Variants in PARD3B observed in about 807,000 individuals in gnomAD.
PARD3B encodes the protein par-3 family cell polarity regulator beta, also known as partitioning defective 3 homolog B.
PARD3B carries 103 observed loss-of-function variants against 130.2 expected under a neutral mutation model. The ratio of observed to expected loss-of-function variants is 0.79; its 90% CI spans 0.67 to 0.93. The LOEUF is 0.93. Ranked by LOEUF, PARD3B falls within the 40% of genes least tolerant of loss-of-function variation. The pLI is 0.00. For synonymous variants in PARD3B, 583 were observed against 553.2 expected, an observed-to-expected ratio of 1.05 and a Z score of -0.76; for missense variants, 1,609 against 1,499.2, an observed-to-expected ratio of 1.07 and a Z score of -1.21.
chr2:204,691,050 T>C (rs976306811), intron 2 of PARD3B, among the ~76,000 whole-genome samples: 8 of 152,282 alleles, frequency 5.3e-5, no homozygotes, highest in African/African-American at 1.2e-4. Context: ...TGTTCACTTA[T>C]CAGTTTCTCG....
intron 2 of PARD3B, among the ~76,000 whole-genome samples, chr2:204,928,477 A>G (rs1324637938): frequency 1.3e-5 from 2 of 152,174 alleles, no homozygotes; most frequent in African/African-American, 4.8e-5. Flanking sequence ...TTAAACATCA[A>G]TTTAACACAA....
At chr2:204,847,299 T>C (rs1427317607) in intron 2 of PARD3B, among the ~76,000 whole-genome samples, 1 of 151,066 alleles carries the variant, frequency 6.6e-6, no homozygotes, top group Non-Finnish European at 1.5e-5. Flanking sequence ...CCATAAGAAA[T>C]ATGCTTAAAT....
At chr2:205,487,245 T>C (rs1575141222) in intron 20 of PARD3B, among the ~76,000 whole-genome samples, 1 of 152,226 alleles carries the variant, frequency 6.6e-6, no homozygotes, top group African/African-American at 2.4e-5. Context: ...AATCTTTAGC[T>C]TCTTTCAATT....
chr2:204,570,909 GTAA>G (rs2031964265), intron 1 of PARD3B, among the ~76,000 whole-genome samples: 1 of 149,382 alleles, frequency 6.7e-6, no homozygotes, highest in Non-Finnish European at 1.5e-5. Context: ...ATAAGCTGTT[GTAA>G]CTGAGGTGTA....
intron 1 of PARD3B, among the ~76,000 whole-genome samples, chr2:204,550,236 T>C: frequency 6.6e-6 from 1 of 152,292 alleles, no homozygotes; most frequent in Admixed American, 6.5e-5. Flanking sequence ...AGATTATTTA[T>C]AATACCTAAT....
At chr2:205,594,117 G>C (rs1469282861) in intron 22 of PARD3B, among the ~76,000 whole-genome samples, 1 of 152,174 alleles carries the variant, frequency 6.6e-6, no homozygotes, top group Non-Finnish European at 1.5e-5. Context: ...GCAGGGCCAT[G>C]AAATTATAAC....
At chr2:205,023,785 A>G (rs1477272552) in intron 3 of PARD3B, among the ~76,000 whole-genome samples, 1 of 152,088 alleles carries the variant, frequency 6.6e-6, no homozygotes, top group Non-Finnish European at 1.5e-5. Context: ...TCAATCATTC[A>G]GGTGCTGAGT....
intron 1 of PARD3B, among the ~76,000 whole-genome samples, chr2:204,661,210 C>G (rs895314467): frequency 6.6e-6 from 1 of 152,132 alleles, no homozygotes; most frequent in Non-Finnish European, 1.5e-5. Flanking sequence ...CTTTCCCCAT[C>G]TCAAACCCAA....
intron 2 of PARD3B, among the ~76,000 whole-genome samples, chr2:204,800,543 C>T (rs2042532263): frequency 6.6e-6 from 1 of 151,898 alleles, no homozygotes; most frequent in Non-Finnish European, 1.5e-5. Flanking sequence ...TATATAACAC[C>T]AAGCAGATTT....
At chr2:204,551,834 G>C (rs541877806) in intron 1 of PARD3B, among the ~76,000 whole-genome samples, 1 of 152,154 alleles carries the variant, frequency 6.6e-6, no homozygotes, top group Non-Finnish European at 1.5e-5. Context: ...ACTATTTTAT[G>C]AGTGGACTGT....
intron 18 of PARD3B, among the ~76,000 whole-genome samples, chr2:205,382,984 T>G (rs2045507800): frequency 6.6e-6 from 1 of 151,976 alleles, no homozygotes; most frequent in South Asian, 2.1e-4. Context: ...GAAGTCTGGC[T>G]CCTTTATTGT....
chr2:204,680,931 G>T (rs2036798017), intron 1 of PARD3B, among the ~76,000 whole-genome samples: 1 of 152,072 alleles, frequency 6.6e-6, no homozygotes, highest in African/African-American at 2.4e-5. Flanking sequence ...CTATTTGTGT[G>T]TGTGTGTGCA....
At chr2:205,210,983 C>A (rs928758712) in intron 15 of PARD3B, among the ~76,000 whole-genome samples, 1 of 151,974 alleles carries the variant, frequency 6.6e-6, no homozygotes, top group African/African-American at 2.4e-5. Context: ...TAAATGTTAC[C>A]CTCTCTGAAG....
intron 4 of PARD3B, among the ~76,000 whole-genome samples, chr2:205,060,749 G>A (rs1700020309): frequency 6.6e-6 from 1 of 152,094 alleles, no homozygotes; most frequent in African/African-American, 2.4e-5. Context: ...TATAATTAAA[G>A]GGAAATGATT....
At chr2:205,037,914 G>T (rs894955529) in intron 3 of PARD3B, among the ~76,000 whole-genome samples, 2 of 152,004 alleles carry the variant, frequency 1.3e-5, no homozygotes, top group Non-Finnish European at 1.5e-5. Context: ...TCATGTAAGG[G>T]GCTCATGCAA....
At chr2:205,423,047 T>A (rs1352792769) in intron 19 of PARD3B, among the ~76,000 whole-genome samples, 1 of 152,190 alleles carries the variant, frequency 6.6e-6, no homozygotes, top group Non-Finnish European at 1.5e-5. Context: ...ACCTTTCTCC[T>A]CGACATCCAG....
chr2:205,523,229 A>C (rs5025557), intron 21 of PARD3B, among the ~76,000 whole-genome samples: 102 of 88,486 alleles, frequency 1.2e-3, no homozygotes, highest in African/African-American at 3.2e-3. Flanking sequence ...GTGTGTGTAT[A>C]TATATATATA....
intron 2 of PARD3B, among the ~76,000 whole-genome samples, chr2:204,858,459 G>A (rs991449157): frequency 2.9e-4 from 37 of 125,938 alleles, no homozygotes; most frequent in Admixed American, 5.8e-4. Flanking sequence ...GCCAGACACA[G>A]AAAGGAAAAT....
intron 2 of PARD3B, among the ~76,000 whole-genome samples, chr2:204,910,542 G>C (rs563103139): frequency 6.6e-6 from 1 of 152,294 alleles, no homozygotes; most frequent in Non-Finnish European, 1.5e-5. Flanking sequence ...AGAATAAAAA[G>C]TTTGGATGAG....
Sources: allele counts gnomAD v4.1 joint callset (sites outside exome capture counted in the v4.1 genomes callset), GRCh38; gene constraint gnomAD v4.1.1; transcripts MANE v1.5; gene names NCBI Gene and HGNC (gene_info 2026-07-23, HGNC 2026-07-21).